SLC16A7: variants seen among roughly 807,000 people sequenced by gnomAD.
The protein encoded by SLC16A7 is monocarboxylate transporter 2.
A neutral mutation model predicts 34.9 loss-of-function variants in SLC16A7; 33 were observed. That is an observed-to-expected ratio of 0.94 (90% CI 0.72 to 1.26). SLC16A7 has a LOEUF of 1.26. Ranked by LOEUF, SLC16A7 falls within the 50% of genes most tolerant of loss-of-function variation. The pLI, the probability that SLC16A7 is intolerant of heterozygous loss-of-function variation, is 0.00. For missense variants in SLC16A7, 573 were observed against 578.1 expected, an observed-to-expected ratio of 0.99 and a Z score of 0.09; for synonymous variants, 201 against 206.6, an observed-to-expected ratio of 0.97 and a Z score of 0.23.
At chr12:59,724,934 A>G (rs887475474) in intron 3 of SLC16A7, among the ~76,000 whole-genome samples, 4 of 151,198 alleles carry the variant, frequency 2.6e-5, no homozygotes, top group Non-Finnish European at 4.4e-5. Context: ...AAATACCAAT[A>G]AATTAGATGA....
chr12:59,768,051 C>A, intron 3 of SLC16A7: 1 of 409,646 alleles, frequency 2.4e-6, no homozygotes, highest in East Asian at 7.1e-5. Context: ...ATGTAACAAA[C>A]CTGCACGTTG....
intron 2 of SLC16A7, among the ~76,000 whole-genome samples, chr12:59,687,066 T>C (rs1257634996): frequency 6.6e-6 from 1 of 151,986 alleles, no homozygotes; most frequent in African/African-American, 2.4e-5. Flanking sequence ...TACTTGTTAA[T>C]TTAAGAAATA....
chr12:59,657,124 G>A (rs1868576843), intron 2 of SLC16A7, among the ~76,000 whole-genome samples: 1 of 151,896 alleles, frequency 6.6e-6, no homozygotes, highest in Admixed American at 6.6e-5. Context: ...CTCAAATACT[G>A]TATTTTCTAG....
intron 4 of SLC16A7, among the ~76,000 whole-genome samples, chr12:59,772,324 G>A (rs1221261821): frequency 2.0e-5 from 3 of 151,984 alleles, no homozygotes; most frequent in Non-Finnish European, 2.9e-5. Flanking sequence ...AATGAAAACC[G>A]TCTTATATGT....
intron 2 of SLC16A7, among the ~76,000 whole-genome samples, chr12:59,668,661 T>A (rs1322253024): frequency 6.6e-6 from 1 of 152,184 alleles, no homozygotes; most frequent in Non-Finnish European, 1.5e-5. Context: ...GGGTTAATGC[T>A]GGAATGAATT....
intron 2 of SLC16A7, among the ~76,000 whole-genome samples, chr12:59,697,289 T>C (rs1565655055): frequency 2.0e-5 from 3 of 152,024 alleles, no homozygotes. Context: ...CTTATTGTCA[T>C]TCAGAACCAT....
intron 3 of SLC16A7, among the ~76,000 whole-genome samples, chr12:59,728,110 A>G (rs192564969): frequency 2.8e-4 from 42 of 152,310 alleles, no homozygotes; most frequent in African/African-American, 9.4e-4. Flanking sequence ...GCTTCAAAAC[A>G]TACAGTAAAA....
At chr12:59,680,752 T>C (rs575959539) in intron 2 of SLC16A7, among the ~76,000 whole-genome samples, 19 of 152,268 alleles carry the variant, frequency 1.2e-4, no homozygotes, top group South Asian at 2.1e-4. Context: ...AGGATTTCAA[T>C]TGATATTTGT....
At chr12:59,763,462 G>T (rs1382790472) in intron 3 of SLC16A7, among the ~76,000 whole-genome samples, 1 of 152,006 alleles carries the variant, frequency 6.6e-6, no homozygotes, top group South Asian at 2.1e-4. Flanking sequence ...GCAGAAAATT[G>T]GAAACCATCT....
intron 2 of SLC16A7, among the ~76,000 whole-genome samples, chr12:59,693,000 A>G (rs1490197902): frequency 1.3e-5 from 2 of 152,028 alleles, no homozygotes; most frequent in Non-Finnish European, 2.9e-5. Flanking sequence ...ATGTTGCTAT[A>G]TCCTTTTGTA....
intron 1 of SLC16A7, among the ~76,000 whole-genome samples, chr12:59,597,897 G>T (rs966315594): frequency 1.3e-4 from 20 of 152,176 alleles, no homozygotes; most frequent in African/African-American, 4.3e-4. Flanking sequence ...AATAATAAGT[G>T]ATCTGAAATT....
chr12:59,612,925 C>A (rs939660026), intron 1 of SLC16A7, among the ~76,000 whole-genome samples: 1 of 152,182 alleles, frequency 6.6e-6, no homozygotes, highest in Non-Finnish European at 1.5e-5. Context: ...CCTACATCTC[C>A]CTGTCTTCTT....
At chr12:59,728,200 G>T (rs986638106) in intron 3 of SLC16A7, among the ~76,000 whole-genome samples, 12 of 152,182 alleles carry the variant, frequency 7.9e-5, no homozygotes, top group African/African-American at 2.9e-4. Flanking sequence ...ACTTCTGGGG[G>T]TGATTAGGAT....
chr12:59,649,577 C>A (rs146978487), intron 1 of SLC16A7, among the ~76,000 whole-genome samples: 1 of 152,240 alleles, frequency 6.6e-6, no homozygotes, highest in East Asian at 1.9e-4. Context: ...TCTTGTTGGT[C>A]AGATCAGTGG....
At chr12:59,621,183 G>T (rs1879681294) in intron 1 of SLC16A7, among the ~76,000 whole-genome samples, 1 of 151,832 alleles carries the variant, frequency 6.6e-6, no homozygotes, top group African/African-American at 2.4e-5. Context: ...TGTTATTAGG[G>T]TTAACTCATG....
chr12:59,736,115 A>T (rs2706306), intron 3 of SLC16A7: 71,540 of 181,712 alleles, frequency 0.39, 14,677 homozygotes, highest in African/African-American at 0.51. Context: ...AAGGTATCAG[A>T]GGTTGGAAAT....
intron 2 of SLC16A7, chr12:59,689,295 A>G (rs1440282101): frequency 6.6e-6 from 1 of 152,024 alleles, no homozygotes; most frequent in African/African-American, 2.4e-5. Flanking sequence ...TCCTGAGACT[A>G]GCTGACAAAG....
At chr12:59,600,031 C>CTTAGCTTTGT (rs1370690817) in intron 1 of SLC16A7, among the ~76,000 whole-genome samples, 1 of 152,132 alleles carries the variant, frequency 6.6e-6, no homozygotes, top group Non-Finnish European at 1.5e-5. Context: ...AGCTTTGCCA[C>CTTAGCTTTGT]TTATCAACAA....
intron 1 of SLC16A7, among the ~76,000 whole-genome samples, chr12:59,604,155 A>G (rs1878823389): frequency 6.6e-6 from 1 of 152,254 alleles, no homozygotes; most frequent in Admixed American, 6.5e-5. Flanking sequence ...AATGCATAGA[A>G]TACTTCAAGG....
Sources: allele counts gnomAD v4.1 joint callset (sites outside exome capture counted in the v4.1 genomes callset), GRCh38; gene constraint gnomAD v4.1.1; transcripts MANE v1.5; gene names NCBI Gene and HGNC (gene_info 2026-07-23, HGNC 2026-07-21).